Variants in CLCN3 observed in about 807,000 individuals in gnomAD.
CLCN3 encodes the protein H(+)/Cl(-) exchange transporter 3.
CLCN3 carries 16 observed loss-of-function variants against 83.4 expected under a neutral mutation model. The observed-to-expected ratio is 0.19, with a 90% CI of 0.13 to 0.29. The LOEUF is 0.29. Among genes scored for constraint, CLCN3 ranks in the 10% least tolerant of loss-of-function variants. The pLI is 1.00. For missense variants in CLCN3, 544 were observed against 1,006.0 expected (o/e 0.54, Z 6.21); for synonymous variants, 322 against 346.2 (o/e 0.93, Z 0.78).
chr4:169,695,828 C>A, intron 8 of CLCN3, 136 bp downstream of exon 8: 2 of 567,034 alleles, frequency 3.5e-6, no homozygotes, highest in Non-Finnish European at 5.8e-6. Context: ...TTGTTTTCCA[C>A]TCATTCTTAA....
chr4:169,671,745 T>C (rs1222855958), intron 2 of CLCN3, among the ~76,000 whole-genome samples: 1 of 152,114 alleles, frequency 6.6e-6, no homozygotes. Context: ...TCTGACTGAA[T>C]TGGTGTGGGG....
At chr4:169,706,631 A>T (rs1475804994) in intron 10 of CLCN3, among the ~76,000 whole-genome samples, 1 of 152,210 alleles carries the variant, frequency 6.6e-6, no homozygotes, top group Non-Finnish European at 1.5e-5. Context: ...ACAGGTTTTT[A>T]AAATGTTATT....
rs373916058 is a variant in CLCN3 at position 169,679,124 on chromosome 4, A to G, written c.161-926A>G. Among the ~76,000 whole-genome samples the G allele has an allele frequency of 6.5e-3, 935 of 144,722 alleles. 14 individuals carry two copies. The highest frequency in any genetic ancestry group is 0.024 in the African/African-American group (902 of 38,066). The allele number at this position is 144,722 out of a possible 152,430, so 94.9% of individuals were successfully genotyped here. On this transcript the variant is annotated intron_variant, in intron 2 of 12. Coordinates refer to ENST00000513761, the MANE Select transcript of CLCN3 (RefSeq NM_001829.4). ...CGGCTGCCGGGCGGAGGGGCTCCTC[A>G]CTTCTCAGATGGGGTCGCGGCTGGG...
At chr4:169,709,874 G>A (rs1018138222) in intron 11 of CLCN3, among the ~76,000 whole-genome samples, 1 of 151,950 alleles carries the variant, frequency 6.6e-6, no homozygotes, top group Admixed American at 6.6e-5. Context: ...AGGGTGGGAG[G>A]TTTGTTTGGC....
At chr4:169,696,417 T>G (rs1021326515) in intron 8 of CLCN3, among the ~76,000 whole-genome samples, 1 of 152,078 alleles carries the variant, frequency 6.6e-6, no homozygotes, top group Non-Finnish European at 1.5e-5. Flanking sequence ...TTTTTTTAAT[T>G]TTTTTTGACA....
At chr4:169,660,169 A>G (rs2150218830) in intron 2 of CLCN3, 5 of 1,144,238 alleles carry the variant, frequency 4.4e-6, no homozygotes, top group East Asian at 4.2e-5. Flanking sequence ...ACTAGCAACC[A>G]GGCTGCAATA....
intron 2 of CLCN3, among the ~76,000 whole-genome samples, chr4:169,669,226 AAAAGACTTAAAAT>A (rs1731367168): frequency 6.6e-6 from 1 of 152,244 alleles, no homozygotes. Context: ...CGAGAATAAG[AAAAGACTTAAAAT>A]CGTAAAAATT....
chr4:169,633,918 A>G (rs1047392421), intron 1 of CLCN3, among the ~76,000 whole-genome samples: 2 of 151,574 alleles, frequency 1.3e-5, no homozygotes, highest in African/African-American at 4.9e-5. Flanking sequence ...ATCAGTCAGT[A>G]CAGCTCTATA....
intron 2 of CLCN3, among the ~76,000 whole-genome samples, chr4:169,679,770 A>G (rs1289827635): frequency 1.3e-5 from 2 of 152,162 alleles, no homozygotes; most frequent in African/African-American, 2.4e-5. Flanking sequence ...CGTGCCTGCA[A>G]TCCCAGGCAC....
At chr4:169,631,858 A>G (rs535183182) in intron 1 of CLCN3, among the ~76,000 whole-genome samples, 92 of 152,320 alleles carry the variant, frequency 6.0e-4, no homozygotes, top group Middle Eastern at 3.4e-3. Context: ...CAGCCTCCCA[A>G]GATTAAATCA....
chr4:169,625,193 T>TCTG (rs1773202052), intron 1 of CLCN3, among the ~76,000 whole-genome samples: 1 of 152,258 alleles, frequency 6.6e-6, no homozygotes, highest in South Asian at 2.1e-4. Flanking sequence ...TTTTCACCTC[T>TCTG]CTGCCATCGT....
intron 12 of CLCN3, 132 bp from the exon 13 acceptor site, chr4:169,719,775 C>G: frequency 1.5e-6 from 1 of 648,350 alleles, no homozygotes; most frequent in Middle Eastern, 3.5e-4. Context: ...CAATAAAGTA[C>G]TTTTTGGAAA....
chr4:169,640,850 G>C (rs528635196), intron 2 of CLCN3, among the ~76,000 whole-genome samples: 1 of 152,156 alleles, frequency 6.6e-6, no homozygotes, highest in Admixed American at 6.5e-5. Flanking sequence ...TAAAAACTGT[G>C]ATCAGCCATG....
intron 7 of CLCN3, among the ~76,000 whole-genome samples, chr4:169,693,753 TATTC>T (rs1265074633): frequency 6.6e-6 from 1 of 152,246 alleles, no homozygotes. Context: ...GACTTTTACT[TATTC>T]TAAGTTCAAA....
At position 169,704,059 on chromosome 4, in the gene CLCN3, G is replaced by A; in HGVS notation, c.1625G>A (p.Gly542Glu). 1 of 1,614,054 alleles carries A rather than the reference G, an allele frequency of 6.2e-7. No homozygotes were observed. The highest frequency in any genetic ancestry group is 2.2e-5 in the East Asian group (1 of 44,878). ...GGAGCGATCGCAGGAAGGATTGTGG[G>A]GATTGCGGTGGAGCAGCTTGCCTAC... ...AIGAIAGRIV[G>E]IAVEQLAYYH... The change falls in exon 10 of 13, where the codon GGG becomes GAG. Residue 542 changes from glycine (G) to glutamate (E), a missense_variant. By Grantham distance (98) the Gly-to-Glu change is moderately conservative. Around this residue, in one of 6 missense-constraint regions of CLCN3, gnomAD observed 194 missense variants for 341.4 expected, o/e 0.57. Transcript: ENST00000513761.
intron 12 of CLCN3, chr4:169,717,899 C>T (rs1159874899): frequency 3.5e-6 from 5 of 1,447,974 alleles, no homozygotes; most frequent in East Asian, 2.3e-5. Context: ...CCTCATTAGA[C>T]ACCTTAGAAG....
chr4:169,669,187 A>T (rs1731365373), intron 2 of CLCN3, among the ~76,000 whole-genome samples: 2 of 152,232 alleles, frequency 1.3e-5, no homozygotes, highest in Non-Finnish European at 2.9e-5. Flanking sequence ...TTAGTATTGG[A>T]TATCTGGTAG....
intron 2 of CLCN3, among the ~76,000 whole-genome samples, chr4:169,646,305 A>G (rs1252332074): frequency 2.0e-5 from 3 of 152,080 alleles, no homozygotes; most frequent in Non-Finnish European, 2.9e-5. Context: ...TTTTTGAGAC[A>G]GAGTCTCACT....
intron 9 of CLCN3, among the ~76,000 whole-genome samples, chr4:169,701,643 C>T (rs576089840): frequency 6.6e-5 from 10 of 152,110 alleles, no homozygotes; most frequent in South Asian, 4.1e-4. Flanking sequence ...AAGAATTCTA[C>T]GGAGGGACAT....
Sources: gnomAD v4.1 joint callset for allele counts (sites outside exome capture counted in the v4.1 genomes callset) on GRCh38, gnomAD v4.1.1 for gene constraint, gnomAD v4.1.1 regional missense constraint, MANE v1.5 for transcripts, NCBI Gene and HGNC (gene_info 2026-07-23, HGNC 2026-07-21) for gene names.